The following SPSB1 variants were observed in gnomAD, a reference collection of about 807,000 sequenced individuals.
SPSB1 encodes splA/ryanodine receptor domain and SOCS box containing 1, also known as SPRY domain-containing SOCS box protein 1.
In SPSB1, 8 loss-of-function variants were observed where a neutral mutation model predicts 21.2. The observed-to-expected ratio is 0.38, with a 90% confidence interval of 0.22 to 0.68. The LOEUF (loss-of-function observed/expected upper bound fraction) is 0.68. Among genes scored for constraint, SPSB1 ranks in the 30% least tolerant of loss-of-function variants. The pLI is 0.53. For synonymous variants in SPSB1, 169 were observed against 161.7 expected (o/e 1.05, Z -0.34); for missense variants, 242 against 377.8 (o/e 0.64, Z 2.98).
rs190126956 is a variant in SPSB1 at position 9,363,254 on chromosome 1, G to C, written c.695-4194G>C. Among the ~76,000 whole-genome samples, 3 of 152,286 alleles carry C rather than the reference G, an allele frequency of 2.0e-5. No individual in the cohort carries two copies. The highest frequency in any genetic ancestry group is 4.4e-5 in the Non-Finnish European group (3 of 68,022). On this transcript the variant is annotated intron_variant, in intron 2 of 2. Coordinates refer to ENST00000328089, the MANE Select transcript of SPSB1 (RefSeq NM_025106.4). This position sits in a 1 kb window ranked among gnomAD's most constrained non-coding sequence, Gnocchi z 4.5. Reference sequence around the variant, plus strand: ...AGGCGTGACCTGTTTATGTACTTGAGGACCCAGAGAAGAGACCCATTCACA... The same window carrying C: ...AGGCGTGACCTGTTTATGTACTTGACGACCCAGAGAAGAGACCCATTCACA...
intron 2 of SPSB1, among the ~76,000 whole-genome samples, chr1:9,365,894 G>A (rs1569669501): frequency 6.6e-6 from 1 of 152,326 alleles, no homozygotes; most frequent in Non-Finnish European, 1.5e-5. Context: ...GCGGCCCCAC[G>A]AAGGTCCAGG....
chr1:9,298,838 T>C (rs2310923), intron 1 of SPSB1, among the ~76,000 whole-genome samples: 54,680 of 152,102 alleles, frequency 0.36, 10,102 homozygotes, highest in South Asian at 0.41. Flanking sequence ...CCTGGCAGAA[T>C]CCACACACTG....
chr1:9,354,437 C>T, intron 1 of SPSB1, among the ~76,000 whole-genome samples: 1 of 152,110 alleles, frequency 6.6e-6, no homozygotes, highest in East Asian at 1.9e-4. Context: ...GGCTGCCCTC[C>T]TTGGCCTCTC....
chr1:9,334,948 G>A (rs576530841), intron 1 of SPSB1, among the ~76,000 whole-genome samples: 18 of 152,232 alleles, frequency 1.2e-4, no homozygotes, highest in South Asian at 4.1e-4. Context: ...TCATCTGTCC[G>A]TGGACGCGGG....
At chr1:9,296,221 G>A (rs1366820970) in intron 1 of SPSB1, among the ~76,000 whole-genome samples, 2 of 152,166 alleles carry the variant, frequency 1.3e-5, no homozygotes, top group East Asian at 1.9e-4. Flanking sequence ...AGTCCTTGAC[G>A]CATTGACTCA....
At chr1:9,306,075 G>C (rs1174033435) in intron 1 of SPSB1, among the ~76,000 whole-genome samples, 1 of 152,200 alleles carries the variant, frequency 6.6e-6, no homozygotes, top group Non-Finnish European at 1.5e-5. Context: ...CAGCCAGCAG[G>C]CTGAGTCCCA....
chr1:9,340,996 A>C (rs1640082624), intron 1 of SPSB1, among the ~76,000 whole-genome samples: 1 of 152,194 alleles, frequency 6.6e-6, no homozygotes, highest in Non-Finnish European at 1.5e-5. Context: ...CTGCTGGGAC[A>C]AGCAACTGCC....
At chr1:9,347,741 G>C (rs483936) in intron 1 of SPSB1, among the ~76,000 whole-genome samples, 43,713 of 151,860 alleles carry the variant, frequency 0.29, 8,895 homozygotes, top group African/African-American at 0.58. Context: ...TGTCCCTGTG[G>C]AGGCCTATAG....
chr1:9,325,221 C>CATT (rs1639796453), intron 1 of SPSB1, among the ~76,000 whole-genome samples: 1 of 27,526 alleles, frequency 3.6e-5, no homozygotes, highest in Non-Finnish European at 2.0e-4. Context: ...TGCCTCCCAC[C>CATT]ACCACCCCCC....
Position 9,326,385 on chromosome 1 carries a change from G to A in SPSB1, c.-149-29358G>A, listed in dbSNP as rs578247833. Among the ~76,000 whole-genome samples, 4 of 152,298 alleles carry A rather than the reference G, an allele frequency of 2.6e-5. No individual in the cohort carries two copies. In the East Asian group the frequency reaches 7.7e-4, roughly 29 times the overall value. ...GGAAGCTCTTGGAGTCTCTGAAGGGGCCACAGAAAAGTCAGTGGGTGGTGT... is the reference window on the plus strand; with the variant it reads ...GGAAGCTCTTGGAGTCTCTGAAGGGACCACAGAAAAGTCAGTGGGTGGTGT... On this transcript the variant is annotated intron_variant, in intron 1 of 2. Transcript: ENST00000328089.
Position 9,305,067 on chromosome 1 carries a change from A to T in SPSB1, c.-150+11996A>T, listed in dbSNP as rs535225830. On this transcript the variant is annotated intron_variant, in intron 1 of 2. Transcript: ENST00000328089. This position sits in a 1 kb window ranked among gnomAD's most constrained non-coding sequence, Gnocchi z 4.8. ...ACCCATCTGGCATTGCCTTCCCTAC[A>T]GGGGCCTCTCCCACTTCTCCCTCTC... 2.0e-5 allele frequency among the ~76,000 whole-genome samples: 3 copies of T among 152,084 alleles called. No individual in the cohort carries two copies. Among genetic ancestry groups the T allele is most frequent in the African/African-American group, 7.2e-5 (3 of 41,482 alleles).
At chr1:9,325,370 T>C (rs1569600356) in intron 1 of SPSB1, among the ~76,000 whole-genome samples, 1 of 152,282 alleles carries the variant, frequency 6.6e-6, no homozygotes, top group African/African-American at 2.4e-5. Flanking sequence ...TCTCAATGAA[T>C]GAGGGGCCTG....
chr1:9,342,210 G>C (rs1417595344), intron 1 of SPSB1, among the ~76,000 whole-genome samples: 3 of 152,210 alleles, frequency 2.0e-5, no homozygotes, highest in African/African-American at 7.2e-5. Flanking sequence ...CTGGCCAGGA[G>C]AGGATCCGTG....
At chr1:9,335,762 C>T (rs892173219) in intron 1 of SPSB1, among the ~76,000 whole-genome samples, 2 of 152,120 alleles carry the variant, frequency 1.3e-5, no homozygotes, top group African/African-American at 4.8e-5. Context: ...GAGCCATGAT[C>T]GTGCCACTGC....
At chr1:9,319,272 G>T (rs1326938953) in intron 1 of SPSB1, among the ~76,000 whole-genome samples, 1 of 152,204 alleles carries the variant, frequency 6.6e-6, no homozygotes, top group Non-Finnish European at 1.5e-5. Context: ...AGGGCACCAA[G>T]GCAGGCAGCA....
chr1:9,335,861 G>A (rs951390450), intron 1 of SPSB1, among the ~76,000 whole-genome samples: 1 of 145,324 alleles, frequency 6.9e-6, no homozygotes, highest in Non-Finnish European at 1.5e-5. Flanking sequence ...ATCAGTGGCT[G>A]GACGATGATC....
At chr1:9,364,580 G>T (rs1016324279) in intron 2 of SPSB1, among the ~76,000 whole-genome samples, 27 of 152,166 alleles carry the variant, frequency 1.8e-4, no homozygotes, top group African/African-American at 6.3e-4. Flanking sequence ...ATCACGAGGG[G>T]TCTGTGGGAT....
At chr1:9,343,937 C>T (rs1191559296) in intron 1 of SPSB1, among the ~76,000 whole-genome samples, 3 of 152,092 alleles carry the variant, frequency 2.0e-5, no homozygotes, top group African/African-American at 7.2e-5. Flanking sequence ...AGGCGCCTGC[C>T]ACCACGCCTG....
chr1:9,353,944 C>T (rs1477454533), intron 1 of SPSB1, among the ~76,000 whole-genome samples: 1 of 150,570 alleles, frequency 6.6e-6, no homozygotes, highest in African/African-American at 2.4e-5. Context: ...AACCCTGTGT[C>T]TCACATCAGA....
Sources: gnomAD v4.1 joint callset for allele counts (sites outside exome capture counted in the v4.1 genomes callset) on GRCh38, gnomAD v4.1.1 for gene constraint, Gnocchi (gnomAD v3.1) non-coding constraint, MANE v1.5 for transcripts, NCBI Gene and HGNC (gene_info 2026-07-23, HGNC 2026-07-21) for gene names.